ATRNL1: variants seen among roughly 807,000 people sequenced by gnomAD.
ATRNL1 encodes attractin like 1.
A neutral mutation model predicts 182.7 loss-of-function variants in ATRNL1; 95 were observed. The observed-to-expected ratio is 0.52, with a 90% confidence interval of 0.44 to 0.62. ATRNL1 has a LOEUF of 0.62. Ranked by LOEUF, ATRNL1 falls within the 20% of genes least tolerant of loss-of-function variation. The pLI is 0.00. For missense variants in ATRNL1, 1,471 were observed against 1,679.5 expected (o/e 0.88, Z 2.17); for synonymous variants, 576 against 568.3 (o/e 1.01, Z -0.19).
intron 6 of ATRNL1, among the ~76,000 whole-genome samples, chr10:115,164,377 T>C (rs1846941028): frequency 6.6e-6 from 1 of 152,140 alleles, no homozygotes; most frequent in Non-Finnish European, 1.5e-5. Flanking sequence ...CTAAGATAAG[T>C]GTGTGGGTAT....
chr10:115,610,659 C>T (rs1053961416), intron 26 of ATRNL1, among the ~76,000 whole-genome samples: 1 of 152,032 alleles, frequency 6.6e-6, no homozygotes, highest in African/African-American at 2.4e-5. Flanking sequence ...AATAATAGTA[C>T]CTCAGTTATA....
intron 20 of ATRNL1, among the ~76,000 whole-genome samples, chr10:115,412,418 A>G (rs1312130363): frequency 6.6e-6 from 1 of 152,082 alleles, no homozygotes; most frequent in Non-Finnish European, 1.5e-5. Flanking sequence ...GTCTGCTGTG[A>G]CTCTGAATCA....
intron 18 of ATRNL1, among the ~76,000 whole-genome samples, chr10:115,316,053 G>A (rs1387945412): frequency 1.3e-5 from 2 of 152,054 alleles, no homozygotes; most frequent in African/African-American, 4.8e-5. Context: ...ATAAGTATAT[G>A]TGCAACATGG....
intron 24 of ATRNL1, among the ~76,000 whole-genome samples, chr10:115,501,508 T>TA (rs2133634653): frequency 6.6e-6 from 1 of 152,102 alleles, no homozygotes; most frequent in Non-Finnish European, 1.5e-5. Flanking sequence ...AATGCTTTGG[T>TA]AAAAATAACC....
Position 115,729,020 on chromosome 10 carries a change from T to G in ATRNL1, c.3903+1665T>G, listed in dbSNP as rs143606786. Among the ~76,000 whole-genome samples the G allele has an allele frequency of 2.6e-3, 393 of 151,924 alleles. 5 individuals carry two copies. The highest frequency in any genetic ancestry group is 9.1e-3 in the African/African-American group (375 of 41,416). ...TTCTTAAATACTGCTAAAAATCGAG[T>G]AACAAGAGAAAAAAAATGTAAGTAA... On this transcript the variant is annotated intron_variant, in intron 27 of 28. Transcript: ENST00000355044.
chr10:115,388,245 A>C (rs76848792), intron 19 of ATRNL1, among the ~76,000 whole-genome samples: 185 of 152,202 alleles, frequency 1.2e-3, no homozygotes, highest in African/African-American at 4.2e-3. Context: ...TGGTGTGCTA[A>C]AGTCTTTCTA....
intron 1 of ATRNL1, among the ~76,000 whole-genome samples, chr10:115,110,753 AAAATT>A (rs1338095077): frequency 6.6e-6 from 1 of 152,252 alleles, no homozygotes; most frequent in Non-Finnish European, 1.5e-5. Flanking sequence ...AGTTAACCAG[AAAATT>A]AAATTAATTC....
At chr10:115,380,833 A>G (rs1554950859) in intron 19 of ATRNL1, among the ~76,000 whole-genome samples, 1 of 152,186 alleles carries the variant, frequency 6.6e-6, no homozygotes, top group Non-Finnish European at 1.5e-5. Flanking sequence ...ATTATGAATA[A>G]TGCTGCTATG....
At chr10:115,716,812 G>A (rs1477858043) in intron 26 of ATRNL1, among the ~76,000 whole-genome samples, 1 of 152,130 alleles carries the variant, frequency 6.6e-6, no homozygotes, top group Non-Finnish European at 1.5e-5. Flanking sequence ...CCGAGACATA[G>A]CATTCATTTG....
At chr10:115,549,158 T>C (rs1218721741) in intron 25 of ATRNL1, among the ~76,000 whole-genome samples, 1 of 152,050 alleles carries the variant, frequency 6.6e-6, no homozygotes, top group Non-Finnish European at 1.5e-5. Context: ...TAAATAGATT[T>C]TGGTTGTGAT....
chr10:115,689,606 A>G (rs1165305473), intron 26 of ATRNL1, among the ~76,000 whole-genome samples: 1 of 152,170 alleles, frequency 6.6e-6, no homozygotes, highest in Non-Finnish European at 1.5e-5. Flanking sequence ...AGGATCAGAC[A>G]GACTGATTCT....
chr10:115,548,343 A>G (rs1554994484), intron 25 of ATRNL1, among the ~76,000 whole-genome samples: 1 of 152,220 alleles, frequency 6.6e-6, no homozygotes, highest in Non-Finnish European at 1.5e-5. Flanking sequence ...GCTTCAAATG[A>G]GGCATAGGCA....
intron 19 of ATRNL1, among the ~76,000 whole-genome samples, chr10:115,388,263 C>A (rs1400289753): frequency 6.6e-6 from 1 of 152,084 alleles, no homozygotes; most frequent in East Asian, 1.9e-4. Context: ...CTATTTGTCT[C>A]CTTACTCCTT....
chr10:115,708,668 A>T (rs914387510), intron 26 of ATRNL1, among the ~76,000 whole-genome samples: 1 of 151,706 alleles, frequency 6.6e-6, no homozygotes, highest in African/African-American at 2.4e-5. Flanking sequence ...CGTCATTTCC[A>T]ATTAAATGTT....
Position 115,272,253 on chromosome 10 carries a change from G to A in ATRNL1, c.2100+3809G>A, listed in dbSNP as rs571303480. Among the ~76,000 whole-genome samples the A allele has an allele frequency of 2.0e-5, 3 of 152,216 alleles. 1 individual carries two copies. In the South Asian group the frequency reaches 6.2e-4, roughly 32 times the overall value. Reference sequence around the variant, plus strand: ...ATTGCAAGAATGGCCCAACACACAGGGTGTAGGGTATGGTAATACTGAAAG... The same window carrying A: ...ATTGCAAGAATGGCCCAACACACAGAGTGTAGGGTATGGTAATACTGAAAG... On this transcript the variant is annotated intron_variant, in intron 13 of 28. Coordinates refer to ENST00000355044, the MANE Select transcript of ATRNL1 (RefSeq NM_207303.4).
rs782731288 is a variant in ATRNL1, at chr10:115,129,435, T to A, written c.729T>A (p.Ala243=). ...GTGATAAATACTGGAAGGGTGAAGC[T>A]TGTGATATTCCTTACTGTAAAGCCA... ...CECDKYWKGE[A]CDIPYCKANC... The change falls in exon 5 of 29, where the codon GCT becomes GCA. Residue 243 remains alanine, a synonymous_variant. Coordinates refer to ENST00000355044, the MANE Select transcript of ATRNL1 (RefSeq NM_207303.4). The A allele has an allele frequency of 1.2e-6, 2 of 1,614,116 alleles. No homozygotes were observed. The highest frequency in any genetic ancestry group is 2.2e-5 in the South Asian group (2 of 91,082).
chr10:115,233,063 T>A (rs1564839516), intron 9 of ATRNL1, among the ~76,000 whole-genome samples: 1 of 152,068 alleles, frequency 6.6e-6, no homozygotes, highest in Non-Finnish European at 1.5e-5. Flanking sequence ...CATACTTTGA[T>A]TGTAGCTGCA....
chr10:115,815,761 C>T (rs1177284072), intron 27 of ATRNL1, among the ~76,000 whole-genome samples: 4 of 152,096 alleles, frequency 2.6e-5, no homozygotes, highest in African/African-American at 9.6e-5. Context: ...TGGGAGAAGC[C>T]TCTAGATCTG....
chr10:115,508,488 C>T (rs978080586), intron 24 of ATRNL1, among the ~76,000 whole-genome samples: 3 of 151,988 alleles, frequency 2.0e-5, no homozygotes, highest in Admixed American at 6.6e-5. Flanking sequence ...GCCTCTTGTC[C>T]GAAGAATTAG....
Sources: allele counts gnomAD v4.1 joint callset (sites outside exome capture counted in the v4.1 genomes callset), GRCh38; gene constraint gnomAD v4.1.1; transcripts MANE v1.5; gene names NCBI Gene and HGNC (gene_info 2026-07-23, HGNC 2026-07-21).